KIF26B: variants seen among roughly 807,000 people sequenced by gnomAD.
The protein encoded by KIF26B is kinesin family member 26B, also known as kinesin-like protein KIF26B.
KIF26B carries 63 observed loss-of-function variants against 151.2 expected under a neutral mutation model. The ratio of observed to expected loss-of-function variants is 0.42; its 90% CI spans 0.34 to 0.51. The LOEUF (loss-of-function observed/expected upper bound fraction) is 0.51, where lower values mean the gene tolerates loss of function less well. Ranked by LOEUF, KIF26B falls within the 20% of genes least tolerant of loss-of-function variation. The pLI, the probability that KIF26B is intolerant of heterozygous loss-of-function variation, is 0.07. For synonymous variants in KIF26B, 1,357 were observed against 1,262.1 expected, an observed-to-expected ratio of 1.08 and a Z score of -1.59; for missense variants, 2,813 against 2,913.6, an observed-to-expected ratio of 0.97 and a Z score of 0.79.
intron 2 of KIF26B, among the ~76,000 whole-genome samples, chr1:245,332,420 A>G (rs1054464602): frequency 5.3e-5 from 8 of 152,172 alleles, no homozygotes; most frequent in Non-Finnish European, 1.2e-4. Context: ...CCAAATCTGG[A>G]TTTACAGTCT....
At chr1:245,631,642 A>G (rs2043782764) in intron 9 of KIF26B, among the ~76,000 whole-genome samples, 1 of 152,192 alleles carries the variant, frequency 6.6e-6, no homozygotes, top group South Asian at 2.1e-4. Flanking sequence ...CGCCTCTTCA[A>G]TTTTTGGAAT....
Position 245,304,699 on chromosome 1 carries a change from C to CCATCCA in KIF26B, c.466-62135_466-62134insCATCCA, listed in dbSNP as rs1553342834. ...TGTCCATCCATCCATACGTCCATCC[C>CCATCCA]TCCATCCATCCATCCATCCATCCAT... On this transcript the variant is annotated intron_variant, in intron 2 of 14. Coordinates refer to ENST00000407071, the MANE Select transcript of KIF26B (RefSeq NM_018012.4). 1.3e-4 allele frequency among the ~76,000 whole-genome samples: 20 copies of CCATCCA among 150,656 alleles called. No individual in the cohort carries two copies. In the Middle Eastern group the frequency reaches 0.01, roughly 77 times the overall value.
In KIF26B at chr1:245,244,384, A is replaced by G. The variant is rs1251972391; in HGVS notation, c.465+87701A>G. 6.6e-6 allele frequency among the ~76,000 whole-genome samples: 1 copy of G among 152,314 alleles called. No homozygotes were observed. The highest frequency in any genetic ancestry group is 1.9e-4 in the East Asian group (1 of 5,182). On this transcript the variant is annotated intron_variant, in intron 2 of 14. Transcript: ENST00000407071. This position sits in a 1 kb window ranked among gnomAD's most constrained non-coding sequence, Gnocchi z 4.2. ...TGGGAAATATGGAATGACGTCTTGC[A>G]TATTGTCATGATATGTAGTGGGTGG...
chr1:245,497,804 C>T (rs1405827924), intron 4 of KIF26B, among the ~76,000 whole-genome samples: 8 of 152,146 alleles, frequency 5.3e-5, no homozygotes, highest in African/African-American at 1.2e-4. Context: ...AGTGCAATGG[C>T]GTGATCTCAG....
chr1:245,281,221 A>T (rs1373191658), intron 2 of KIF26B, among the ~76,000 whole-genome samples: 14 of 74,220 alleles, frequency 1.9e-4, no homozygotes, highest in African/African-American at 9.5e-4. Flanking sequence ...AGTCCCACCA[A>T]CAGTGTAAAA....
chr1:245,275,636 T>C (rs948942653), intron 2 of KIF26B, among the ~76,000 whole-genome samples: 1 of 152,216 alleles, frequency 6.6e-6, no homozygotes, highest in East Asian at 1.9e-4. Flanking sequence ...GATCAGATGG[T>C]TGTATACTTT....
intron 2 of KIF26B, among the ~76,000 whole-genome samples, chr1:245,317,525 G>A (rs1671802865): frequency 6.6e-6 from 1 of 152,218 alleles, no homozygotes; most frequent in African/African-American, 2.4e-5. Flanking sequence ...ATGGAGCCTG[G>A]GCTTTTATTT....
At chr1:245,184,050 G>GTTTTTTGTTTTTTTT in intron 2 of KIF26B, among the ~76,000 whole-genome samples, 51 of 19,806 alleles carry the variant, frequency 2.6e-3, no homozygotes, top group African/African-American at 6.4e-3. Flanking sequence ...GGGAGTTGTT[G>GTTTTTTGTTTTTTTT]TTTTTTTTTT....
intron 2 of KIF26B, among the ~76,000 whole-genome samples, chr1:245,351,493 T>A (rs1490771448): frequency 6.6e-6 from 1 of 152,186 alleles, no homozygotes; most frequent in African/African-American, 2.4e-5. Flanking sequence ...CCTTTTCACG[T>A]GTTAAACATA....
At chr1:245,662,621 C>T (rs7529940) in intron 10 of KIF26B, among the ~76,000 whole-genome samples, 55,918 of 95,362 alleles carry the variant, frequency 0.59, 17,869 homozygotes, top group East Asian at 0.75. Context: ...AATATATATA[C>T]ACACCCAGTG....
chr1:245,347,085 C>G (rs941208938), intron 2 of KIF26B, among the ~76,000 whole-genome samples: 3 of 152,194 alleles, frequency 2.0e-5, no homozygotes, highest in Non-Finnish European at 4.4e-5. Context: ...CTGGGTGGAA[C>G]AGAACACAGC....
At chr1:245,208,814 G>A (rs1007614728) in intron 2 of KIF26B, among the ~76,000 whole-genome samples, 10 of 152,102 alleles carry the variant, frequency 6.6e-5, no homozygotes, top group African/African-American at 1.4e-4. Flanking sequence ...TGTGTGAGTC[G>A]CCACTATAGG....
intron 3 of KIF26B, among the ~76,000 whole-genome samples, chr1:245,379,165 C>T (rs1030734425): frequency 5.3e-5 from 8 of 152,212 alleles, no homozygotes; most frequent in African/African-American, 1.9e-4. Context: ...AAAACATTCC[C>T]TCCTTGACAT....
At chr1:245,247,813 G>A (rs1670365360) in intron 2 of KIF26B, among the ~76,000 whole-genome samples, 2 of 152,200 alleles carry the variant, frequency 1.3e-5, no homozygotes, top group Non-Finnish European at 1.5e-5. Flanking sequence ...ACAGAGAGGA[G>A]CCTCGTGGCC....
chr1:245,438,689 G>A (rs1394458912), intron 4 of KIF26B, among the ~76,000 whole-genome samples: 2 of 152,174 alleles, frequency 1.3e-5, no homozygotes, highest in East Asian at 1.9e-4. Flanking sequence ...AAACATGGAT[G>A]TCCATTCAGT....
chr1:245,326,139 G>T (rs948773187), intron 2 of KIF26B, among the ~76,000 whole-genome samples: 4 of 152,050 alleles, frequency 2.6e-5, no homozygotes, highest in African/African-American at 9.7e-5. Context: ...TAAAAGTAAG[G>T]CGTGTTCTTC....
intron 4 of KIF26B, among the ~76,000 whole-genome samples, chr1:245,449,836 A>G (rs1289482160): frequency 1.3e-5 from 2 of 152,210 alleles, no homozygotes; most frequent in African/African-American, 4.8e-5. Context: ...TTTAAATGAC[A>G]GTTTGTCCCA....
At chr1:245,674,919 AAGTT>A (rs2044340007) in intron 10 of KIF26B, among the ~76,000 whole-genome samples, 1 of 152,258 alleles carries the variant, frequency 6.6e-6, no homozygotes, top group South Asian at 2.1e-4. Context: ...TCCAACTACA[AAGTT>A]AGCAGAAAGA....
At chr1:245,528,612 C>G (rs1376867255) in intron 4 of KIF26B, among the ~76,000 whole-genome samples, 1 of 152,204 alleles carries the variant, frequency 6.6e-6, no homozygotes, top group Admixed American at 6.5e-5. Flanking sequence ...TATGGAATCA[C>G]ATGTCAACCC....
Sources: allele counts gnomAD v4.1 joint callset (sites outside exome capture counted in the v4.1 genomes callset), GRCh38; gene constraint gnomAD v4.1.1; non-coding constraint Gnocchi (gnomAD v3.1); transcripts MANE v1.5; gene names NCBI Gene and HGNC (gene_info 2026-07-23, HGNC 2026-07-21).